Variants in CFAP96 observed in about 807,000 individuals in gnomAD.
CFAP96 encodes the protein cilia and flagella associated protein 96.
chr4:185,435,020 C>T, the CFAP96 span, among the ~76,000 whole-genome samples: 5 of 151,594 alleles, frequency 3.3e-5, no homozygotes, highest in African/African-American at 4.8e-5. Context: ...GGATTACATA[C>T]GTGAGCCACC....
At chr4:185,449,178 G>T in the CFAP96 span, among the ~76,000 whole-genome samples, 1 of 152,092 alleles carries the variant, frequency 6.6e-6, no homozygotes, top group Non-Finnish European at 1.5e-5. Flanking sequence ...TTGTTAATAT[G>T]TTACAAAGTA....
chr4:185,419,578 G>GA, the CFAP96 span, among the ~76,000 whole-genome samples: 2 of 152,172 alleles, frequency 1.3e-5, no homozygotes, highest in South Asian at 4.1e-4. Context: ...TTTGCAAAAT[G>GA]AAAAGAATTT....
the CFAP96 span, chr4:185,415,331 C>G: frequency 6.3e-6 from 10 of 1,584,386 alleles, no homozygotes; most frequent in Non-Finnish European, 7.7e-6. Context: ...ATTGCATCAA[C>G]CAGGAGTTTA....
At chr4:185,416,235 A>G in the CFAP96 span, 1 of 157,776 alleles carries the variant, frequency 6.3e-6, no homozygotes, top group South Asian at 2.0e-4. Flanking sequence ...CAGACTGGCC[A>G]TGAATAAACG....
chr4:185,418,638 G>A, the CFAP96 span: 3 of 1,613,858 alleles, frequency 1.9e-6, no homozygotes, highest in Non-Finnish European at 2.5e-6. Context: ...CAGTTCTCCA[G>A]GAATGGTGTT....
chr4:185,424,735 A>T, the CFAP96 span, among the ~76,000 whole-genome samples: 1 of 152,256 alleles, frequency 6.6e-6, no homozygotes, highest in Non-Finnish European at 1.5e-5. Context: ...GATAAAAGTT[A>T]GACAGGAAAG....
the CFAP96 span, among the ~76,000 whole-genome samples, chr4:185,443,332 ATATATATATAT>A: frequency 3.3e-5 from 1 of 30,052 alleles, no homozygotes; most frequent in Non-Finnish European, 7.6e-5. Flanking sequence ...ATATATATAT[ATATATATATAT>A]TTTTTTTTTT....
the CFAP96 span, among the ~76,000 whole-genome samples, chr4:185,427,958 C>T: frequency 2.9e-5 from 4 of 136,484 alleles, 1 homozygote; most frequent in Admixed American, 2.2e-4. Flanking sequence ...TGGTGGCAGA[C>T]GCCTGTAATC....
the CFAP96 span, chr4:185,415,172 G>T: frequency 6.3e-7 from 1 of 1,599,334 alleles, no homozygotes; most frequent in Non-Finnish European, 8.5e-7. Context: ...TAGGCCTGCA[G>T]CTGGCCATCT....
At chr4:185,415,929 G>C in the CFAP96 span, 29 of 1,342,624 alleles carry the variant, frequency 2.2e-5, no homozygotes, top group African/African-American at 4.1e-4. Flanking sequence ...TAAAGAGTAA[G>C]TAAAAAGACT....
At chr4:185,429,363 G>A in the CFAP96 span, 1 of 1,146,244 alleles carries the variant, frequency 8.7e-7, no homozygotes, top group Non-Finnish European at 1.2e-6. Flanking sequence ...TGACCCTAGG[G>A]AAACTTTTGA....
chr4:185,443,319 T>C, the CFAP96 span, among the ~76,000 whole-genome samples: 46 of 39,958 alleles, frequency 1.2e-3, no homozygotes, highest in African/African-American at 2.5e-3. Flanking sequence ...TTATTTTTTA[T>C]GTATATATAT....
At chr4:185,413,301 T>C in the CFAP96 span, among the ~76,000 whole-genome samples, 29 of 152,204 alleles carry the variant, frequency 1.9e-4, no homozygotes, top group African/African-American at 6.3e-4. Context: ...GGCAGGAGAA[T>C]TGCTTGAACC....
the CFAP96 span, among the ~76,000 whole-genome samples, chr4:185,443,344 T>TATATATATATA: frequency 2.9e-4 from 5 of 17,128 alleles, no homozygotes; most frequent in Non-Finnish European, 4.8e-4. Context: ...ATATATATAT[T>TATATATATATA]TTTTTTTTTT....
the CFAP96 span, among the ~76,000 whole-genome samples, chr4:185,424,849 G>C: frequency 2.6e-5 from 4 of 152,250 alleles, no homozygotes; most frequent in South Asian, 8.3e-4. Context: ...CAACTTCCCA[G>C]GGTTGTTATG....
chr4:185,443,342 A>ATATATATATATATTTTTTTTT, the CFAP96 span, among the ~76,000 whole-genome samples: 2 of 26,730 alleles, frequency 7.5e-5, no homozygotes, highest in Admixed American at 5.2e-4. Flanking sequence ...ATATATATAT[A>ATATATATATATATTTTTTTTT]TTTTTTTTTT....
the CFAP96 span, among the ~76,000 whole-genome samples, chr4:185,423,623 G>T: frequency 2.0e-5 from 3 of 152,088 alleles, no homozygotes; most frequent in African/African-American, 7.2e-5. Context: ...AAAATTAAAA[G>T]GCACAGGACA....
At chr4:185,438,594 T>C in the CFAP96 span, among the ~76,000 whole-genome samples, 1 of 152,340 alleles carries the variant, frequency 6.6e-6, no homozygotes, top group East Asian at 1.9e-4. Context: ...TTTTGCTACT[T>C]TGAGTTACTG....
At chr4:185,418,047 A>AATACACACACACACACACACACACAC in the CFAP96 span, among the ~76,000 whole-genome samples, 1 of 142,954 alleles carries the variant, frequency 7.0e-6, no homozygotes, top group South Asian at 2.2e-4. Context: ...TCCATCTCAA[A>AATACACACACACACACACACACACAC]ACACACACAC....
Sources: allele counts gnomAD v4.1 joint callset (sites outside exome capture counted in the v4.1 genomes callset), GRCh38; gene constraint gnomAD v4.1.1; transcripts MANE v1.5; gene names NCBI Gene and HGNC (gene_info 2026-07-23, HGNC 2026-07-21).